The following TMEM248 variants were observed in gnomAD, a reference collection of about 807,000 sequenced individuals.
TMEM248 encodes UPF0458 protein C7orf42.
A neutral mutation model predicts 30.3 loss-of-function variants in TMEM248; 9 were observed. That is an observed-to-expected ratio of 0.30 (90% confidence interval 0.18 to 0.52). The LOEUF is 0.52. Ranked by LOEUF, TMEM248 falls within the 20% of genes least tolerant of loss-of-function variation. The pLI is 0.97. For synonymous variants in TMEM248, 184 were observed against 154.4 expected (o/e 1.19, Z -1.42); for missense variants, 338 against 403.3 (o/e 0.84, Z 1.39).
intron 1 of TMEM248, among the ~76,000 whole-genome samples, chr7:66,933,351 G>T (rs1360542314): frequency 2.0e-5 from 3 of 152,198 alleles, no homozygotes; most frequent in African/African-American, 7.2e-5. Flanking sequence ...TTTTTGATAG[G>T]TACAATACTG....
At chr7:66,927,268 G>GT (rs1165908397) in intron 1 of TMEM248, among the ~76,000 whole-genome samples, 1 of 152,096 alleles carries the variant, frequency 6.6e-6, no homozygotes, top group Non-Finnish European at 1.5e-5. Context: ...ACAACCGTAA[G>GT]TGAGGAGAAA....
At chr7:66,948,849 T>G (rs1792185129) in intron 4 of TMEM248, among the ~76,000 whole-genome samples, 155 bp downstream of exon 4, 1 of 152,240 alleles carries the variant, frequency 6.6e-6, no homozygotes, top group South Asian at 2.1e-4. Flanking sequence ...TTATTTAATT[T>G]GTCTAAAGGA....
intron 1 of TMEM248, among the ~76,000 whole-genome samples, chr7:66,936,072 A>G (rs1055322161): frequency 7.9e-5 from 12 of 152,178 alleles, no homozygotes; most frequent in Non-Finnish European, 5.9e-5. Context: ...TGATTGCTGT[A>G]TCTAGGACTT....
chr7:66,955,445 G>T, intron 6 of TMEM248, 57 bp from the exon 7 acceptor site: 4 of 1,611,658 alleles, frequency 2.5e-6, no homozygotes, highest in Admixed American at 1.7e-5. Flanking sequence ...TTGGGTAGGG[G>T]CTGAGTTACC....
At chr7:66,927,798 G>A (rs1286665886) in intron 1 of TMEM248, among the ~76,000 whole-genome samples, 1 of 152,014 alleles carries the variant, frequency 6.6e-6, no homozygotes, top group African/African-American at 2.4e-5. Context: ...GTGAAAGTCT[G>A]TTCTACACTG....
intron 3 of TMEM248, 131 bp from the exon 4 acceptor site, chr7:66,948,413 A>C (rs191110202): frequency 3.8e-5 from 42 of 1,108,970 alleles, no homozygotes; most frequent in African/African-American, 6.2e-5. Context: ...TCTTCCTCAG[A>C]TCCCACAAAG....
At chr7:66,931,297 C>CAAAAAAAAAAAA (rs758131446) in intron 1 of TMEM248, among the ~76,000 whole-genome samples, 1 of 64,390 alleles carries the variant, frequency 1.6e-5, no homozygotes, top group Admixed American at 1.9e-4. Flanking sequence ...GACAATATCT[C>CAAAAAAAAAAAA]AAAAAAAAAA....
rs181179323 is a variant in TMEM248, at chr7:66,936,139, C to T, written c.-18-5709C>T. Among the ~76,000 whole-genome samples the T allele has an allele frequency of 1.1e-3, 166 of 152,204 alleles. 1 individual carries two copies. The highest frequency in any genetic ancestry group is 3.8e-3 in the African/African-American group (157 of 41,544). ...TGGGCATCCTTTTCATGTTCCAGAT[C>T]TTAGAGGAAATGCTTTCAGTTTTTC... On this transcript the variant is annotated intron_variant, in intron 1 of 6. Transcript: ENST00000341567.
rs144118497 is a variant in TMEM248 at position 66,938,934 on chromosome 7, A to C, written c.-18-2914A>C. On this transcript the variant is annotated intron_variant, in intron 1 of 6. Coordinates refer to ENST00000341567, the MANE Select transcript of TMEM248 (RefSeq NM_017994.5). ...ACCCAAAACACAAAAGGAATTTCTA[A>C]ACATCAATAAGAAATAGACTAACAC... Among the ~76,000 whole-genome samples, 8 of 152,368 alleles carry C rather than the reference A, an allele frequency of 5.3e-5. No individual in the cohort carries two copies. The East Asian group carries it at 1.5e-3, about 29-fold the overall frequency.
At chr7:66,945,835 G>A (rs1052536178) in intron 3 of TMEM248, among the ~76,000 whole-genome samples, 42 of 151,418 alleles carry the variant, frequency 2.8e-4, no homozygotes, top group Admixed American at 1.9e-3. Context: ...CCTGTAATCC[G>A]AGCACTTTGG....
At position 66,956,502 on chromosome 7, in the gene TMEM248, G is replaced by A. The variant is rs1287141741; in HGVS notation, c.*980G>A. 2.0e-5 allele frequency: 3 copies of A among 152,160 alleles called. No individual in the cohort carries two copies. Among genetic ancestry groups the A allele is most frequent in the African/African-American group, 7.2e-5 (3 of 41,438 alleles). 9.4% of individuals were successfully genotyped at this position (152,160 alleles called of 1,614,324 possible). A position where few individuals can be genotyped will look rare whatever the true frequency, so the allele number is the denominator to read the frequency against. ...TTCTTCTTTCTTTTTTAAAGAGTGG[G>A]TGGATTTTCTCCCTTTTGTTTTGCT... On this transcript the variant is annotated 3_prime_UTR_variant, in exon 7 of 7. Transcript: ENST00000341567.
chr7:66,951,136 G>A lies in TMEM248; in HGVS notation c.780+1G>A. 6.4e-7 allele frequency: 1 copy of A among 1,572,028 alleles called. No homozygotes were observed. Among genetic ancestry groups the A allele is most frequent in the Non-Finnish European group, 8.6e-7 (1 of 1,159,412 alleles). The stretch of plus-strand genomic sequence containing the variant: ...CAAGCTTACAGTGATTGTTCCAGAT[G>A]TAAGTGAGAAAAATTGTGTGTGTGT... On this transcript the variant is annotated splice_donor_variant, in intron 5 of 6. Transcript: ENST00000341567. LOFTEE classifies it high-confidence loss of function.
intron 1 of TMEM248, among the ~76,000 whole-genome samples, chr7:66,922,594 G>T (rs1791413865): frequency 6.6e-6 from 1 of 152,118 alleles, no homozygotes; most frequent in Admixed American, 6.6e-5. Context: ...AGGTGGACTG[G>T]AATCACTGCT....
chr7:66,945,086 C>T lies in TMEM248; in HGVS notation c.270C>T (p.Thr90=), dbSNP rs1792059689. 6.2e-7 allele frequency: 1 copy of T among 1,614,122 alleles called. No homozygotes were observed. ...CCACAACTCCGGAAAGTACAATGAC[C>T]AGCGGGCAGGCCCGAGCTTCCACCC... ...NDTTTPESTM[T]SGQARASTQS... The change falls in exon 3 of 7, where the codon ACC becomes ACT. Residue 90 remains threonine (T), a synonymous_variant. Coordinates refer to ENST00000341567, the MANE Select transcript of TMEM248 (RefSeq NM_017994.5).
intron 1 of TMEM248, among the ~76,000 whole-genome samples, chr7:66,941,278 G>T (rs1290855769): frequency 6.6e-6 from 1 of 151,916 alleles, no homozygotes; most frequent in Admixed American, 6.6e-5. Flanking sequence ...CTACTTGGGA[G>T]GCTGACGTGG....
chr7:66,936,859 A>T (rs1408254948), intron 1 of TMEM248, among the ~76,000 whole-genome samples: 4 of 151,944 alleles, frequency 2.6e-5, no homozygotes, highest in Non-Finnish European at 5.9e-5. Context: ...TTCTGACTTC[A>T]TCTGGTTCAA....
chr7:66,931,429 T>C (rs535354722), intron 1 of TMEM248, among the ~76,000 whole-genome samples: 1 of 152,170 alleles, frequency 6.6e-6, no homozygotes, highest in East Asian at 1.9e-4. Context: ...CCTGTGTCTG[T>C]GGCATAATGA....
intron 1 of TMEM248, among the ~76,000 whole-genome samples, chr7:66,934,890 T>TA (rs1791762790): frequency 2.6e-5 from 4 of 151,702 alleles, no homozygotes; most frequent in African/African-American, 9.7e-5. Context: ...TGTCTCTACT[T>TA]AAAAAAAGAC....
chr7:66,922,997 G>A (rs1036092230), intron 1 of TMEM248, among the ~76,000 whole-genome samples: 4 of 151,754 alleles, frequency 2.6e-5, no homozygotes, highest in Non-Finnish European at 5.9e-5. Context: ...TGAACCACCC[G>A]CACCTGGCAT....
Sources: allele counts gnomAD v4.1 joint callset (sites outside exome capture counted in the v4.1 genomes callset), GRCh38; gene constraint gnomAD v4.1.1; transcripts MANE v1.5; gene names NCBI Gene and HGNC (gene_info 2026-07-23, HGNC 2026-07-21).